Variants in ANKRD45 observed in about 807,000 individuals in gnomAD.
ANKRD45 encodes ankyrin repeat domain 45.
Under a neutral mutation model 28.1 loss-of-function variants are expected in ANKRD45, and 21 were observed. The ratio of observed to expected loss-of-function variants is 0.75; its 90% CI spans 0.53 to 1.08. ANKRD45 has a LOEUF of 1.08. Among genes scored for constraint, ANKRD45 ranks in the 50% least tolerant of loss-of-function variants. The pLI, the probability that ANKRD45 is intolerant of heterozygous loss-of-function variation, is 0.00. For synonymous variants in ANKRD45, 86 were observed against 103.9 expected (o/e 0.83, Z 1.05); for missense variants, 261 against 308.7 (o/e 0.85, Z 1.16).
the ANKRD45 span, among the ~76,000 whole-genome samples, chr1:173,678,794 T>C: frequency 8.5e-5 from 13 of 152,342 alleles, no homozygotes; most frequent in Admixed American, 7.8e-4. Flanking sequence ...CATGATTGTA[T>C]ATTTAGAAAA....
At chr1:173,714,069 T>C in the ANKRD45 span, among the ~76,000 whole-genome samples, 1 of 152,158 alleles carries the variant, frequency 6.6e-6, no homozygotes. Flanking sequence ...CAGAAACAAC[T>C]GGACACACCT....
chr1:173,622,328 A>T (rs972704912), intron 5 of ANKRD45, among the ~76,000 whole-genome samples: 1 of 152,244 alleles, frequency 6.6e-6, no homozygotes, highest in Non-Finnish European at 1.5e-5. Context: ...TATGGAATAA[A>T]AAAAGAGCCT....
At chr1:173,625,055 A>T in intron 4 of ANKRD45, 130 bp from the exon 5 acceptor site, 1 of 887,034 alleles carries the variant, frequency 1.1e-6, no homozygotes, top group Non-Finnish European at 1.6e-6. Context: ...GCATTGTCCA[A>T]TACAGTAGCC....
the ANKRD45 span, among the ~76,000 whole-genome samples, chr1:173,694,725 C>T: frequency 5.3e-5 from 8 of 151,996 alleles, no homozygotes; most frequent in Non-Finnish European, 1.0e-4. Context: ...CACTCTTCCC[C>T]CTTCAGGGTC....
intron 1 of ANKRD45, among the ~76,000 whole-genome samples, chr1:173,664,214 A>G (rs1440127751): frequency 6.6e-6 from 1 of 152,228 alleles, no homozygotes; most frequent in East Asian, 1.9e-4. Flanking sequence ...CAATGTATGC[A>G]GGACATTTCC....
chr1:173,615,767 T>C (rs1667435860), intron 5 of ANKRD45, among the ~76,000 whole-genome samples: 1 of 152,104 alleles, frequency 6.6e-6, no homozygotes, highest in East Asian at 1.9e-4. Context: ...TTATCTATAA[T>C]AGCCAAAAGA....
chr1:173,611,771 G>A (rs1165069228), intron 5 of ANKRD45, among the ~76,000 whole-genome samples: 1 of 152,030 alleles, frequency 6.6e-6, no homozygotes, highest in Non-Finnish European at 1.5e-5. Context: ...AGCAACAAAG[G>A]AAAAACAGAT....
At chr1:173,654,362 G>A (rs1471763037) in intron 2 of ANKRD45, among the ~76,000 whole-genome samples, 3 of 152,110 alleles carry the variant, frequency 2.0e-5, no homozygotes, top group Non-Finnish European at 4.4e-5. Context: ...ACGAAGCTTA[G>A]TTTGGCTGGA....
At chr1:173,666,969 G>A (rs913529105) in intron 1 of ANKRD45, among the ~76,000 whole-genome samples, 1 of 151,996 alleles carries the variant, frequency 6.6e-6, no homozygotes, top group East Asian at 1.9e-4. Context: ...TGCCCATGCT[G>A]GTCTCAACCT....
At chr1:173,618,632 A>G (rs1189290355) in intron 5 of ANKRD45, among the ~76,000 whole-genome samples, 7 of 152,242 alleles carry the variant, frequency 4.6e-5, no homozygotes, top group African/African-American at 2.4e-5. Context: ...GAAATATGGG[A>G]CTACGTAAAA....
intron 3 of ANKRD45, chr1:173,635,926 G>A: frequency 9.2e-7 from 1 of 1,084,338 alleles, no homozygotes; most frequent in South Asian, 1.7e-5. Context: ...TTTGAGAGAG[G>A]GTACCGTGTT....
chr1:173,616,291 A>G (rs1320365956), intron 5 of ANKRD45, among the ~76,000 whole-genome samples: 1 of 152,136 alleles, frequency 6.6e-6, no homozygotes, highest in Non-Finnish European at 1.5e-5. Flanking sequence ...GGGCAGGTCC[A>G]GAGGGCAGCC....
chr1:173,680,297 C>G, the ANKRD45 span, among the ~76,000 whole-genome samples: 1 of 152,190 alleles, frequency 6.6e-6, no homozygotes, highest in East Asian at 1.9e-4. Context: ...CTCCAACGTC[C>G]ATCACTGATA....
intron 3 of ANKRD45, among the ~76,000 whole-genome samples, chr1:173,644,928 G>A (rs1457029734): frequency 6.6e-6 from 1 of 151,062 alleles, no homozygotes; most frequent in African/African-American, 2.4e-5. Flanking sequence ...GGGAGGCATA[G>A]GTTGCAGTGA....
chr1:173,650,764 C>G (rs1320314562), intron 2 of ANKRD45, among the ~76,000 whole-genome samples: 1 of 152,160 alleles, frequency 6.6e-6, no homozygotes, highest in Non-Finnish European at 1.5e-5. Flanking sequence ...CCTGTTGTTT[C>G]CTAACTTTTT....
chr1:173,632,809 T>G (rs1277281514), intron 3 of ANKRD45, among the ~76,000 whole-genome samples: 1 of 152,020 alleles, frequency 6.6e-6, no homozygotes, highest in Non-Finnish European at 1.5e-5. Context: ...TATTCCTTCA[T>G]GTAAAAATCC....
intron 5 of ANKRD45, among the ~76,000 whole-genome samples, chr1:173,613,204 C>T (rs575712653): frequency 1.3e-5 from 2 of 152,100 alleles, no homozygotes; most frequent in African/African-American, 4.8e-5. Flanking sequence ...TTCCCCGCCA[C>T]CCCGTCTGGG....
the ANKRD45 span, among the ~76,000 whole-genome samples, chr1:173,693,797 T>C: frequency 9.2e-5 from 14 of 152,228 alleles, no homozygotes; most frequent in African/African-American, 3.4e-4. Context: ...TCTTTGCTCA[T>C]TGATTTCTTC....
At chr1:173,627,951 C>T (rs1422423568) in intron 3 of ANKRD45, among the ~76,000 whole-genome samples, 1 of 149,594 alleles carries the variant, frequency 6.7e-6, no homozygotes. Context: ...CAGTAGAACA[C>T]GGCACCAAGC....
Sources: gnomAD v4.1 joint callset for allele counts (sites outside exome capture counted in the v4.1 genomes callset) on GRCh38, gnomAD v4.1.1 for gene constraint, MANE v1.5 for transcripts, NCBI Gene and HGNC (gene_info 2026-07-23, HGNC 2026-07-21) for gene names.